VPS13B: variants seen among roughly 807,000 people sequenced by gnomAD.
The protein encoded by VPS13B is intermembrane lipid transfer protein VPS13B.
Under a neutral mutation model 426.4 loss-of-function variants are expected in VPS13B, and 285 were observed. The ratio of observed to expected loss-of-function variants is 0.67; its 90% confidence interval spans 0.61 to 0.74. The LOEUF (loss-of-function observed/expected upper bound fraction) is 0.74, where lower values mean the gene tolerates loss of function less well. Ranked by LOEUF, VPS13B falls within the 30% of genes least tolerant of loss-of-function variation. VPS13B has a pLI of 0.00. For synonymous variants in VPS13B, 1,676 were observed against 1,676.4 expected (o/e 1.00, Z 0.01); for missense variants, 4,537 against 4,782.6 (o/e 0.95, Z 1.51).
At chr8:99,822,824 A>G (rs1814455158) in intron 50 of VPS13B, among the ~76,000 whole-genome samples, 1 of 152,166 alleles carries the variant, frequency 6.6e-6, no homozygotes, top group South Asian at 2.1e-4. Flanking sequence ...GAATATACAA[A>G]TATATATTCC....
intron 17 of VPS13B, among the ~76,000 whole-genome samples, chr8:99,236,639 A>G (rs920582710): frequency 2.0e-5 from 3 of 152,228 alleles, no homozygotes; most frequent in Non-Finnish European, 2.9e-5. Context: ...TAGCTTTTAA[A>G]TGATGTTTCC....
intron 17 of VPS13B, among the ~76,000 whole-genome samples, chr8:99,244,617 G>A (rs886593496): frequency 1.3e-5 from 2 of 152,090 alleles, no homozygotes; most frequent in African/African-American, 2.4e-5. Flanking sequence ...GGAGTTATTC[G>A]GATAAGAATG....
At chr8:99,051,420 T>G (rs984022933) in intron 3 of VPS13B, among the ~76,000 whole-genome samples, 1 of 151,486 alleles carries the variant, frequency 6.6e-6, no homozygotes, top group African/African-American at 2.4e-5. Context: ...CCATGCTGTT[T>G]TGGTTACTGT....
At chr8:99,111,773 C>A (rs1297697666) in intron 6 of VPS13B, among the ~76,000 whole-genome samples, 1 of 152,026 alleles carries the variant, frequency 6.6e-6, no homozygotes, top group African/African-American at 2.4e-5. Context: ...TAATTAAAAT[C>A]TTAGGGAGTT....
At position 99,699,537 on chromosome 8, in the gene VPS13B, T is replaced by G; in HGVS notation, c.6059T>G (p.Leu2020Trp). Residue 2020 changes from leucine to tryptophan, a missense_variant, in exon 36 of 62, where the codon TTG becomes TGG. Physicochemically the swap from Leu to Trp is moderately conservative, Grantham distance 61. Coordinates refer to ENST00000357162, the MANE Select transcript of VPS13B (RefSeq NM_152564.5). ...DFLNGPADVN[L>W]DISKPLKANL... ...TTTACTTCTATAGCGGATGTCAATT[T>G]GGATATATCAAAGCCTTTGAAAGCA... The G allele has an allele frequency of 6.2e-7, 1 of 1,613,722 alleles. No individual in the cohort carries two copies. Among genetic ancestry groups the G allele is most frequent in the Non-Finnish European group, 8.5e-7 (1 of 1,179,998 alleles).
chr8:99,127,453 T>A (rs571634169), intron 8 of VPS13B, among the ~76,000 whole-genome samples: 2 of 152,306 alleles, frequency 1.3e-5, no homozygotes, highest in South Asian at 4.1e-4. Context: ...CCCCACTATT[T>A]TACCTTTCAT....
intron 25 of VPS13B, among the ~76,000 whole-genome samples, chr8:99,493,520 C>T (rs369921900): frequency 1.3e-5 from 2 of 151,944 alleles, no homozygotes; most frequent in African/African-American, 4.8e-5. Flanking sequence ...CGTGGTGGCT[C>T]ACACCTGTCG....
intron 21 of VPS13B, among the ~76,000 whole-genome samples, chr8:99,406,856 A>G (rs1815360531): frequency 6.6e-6 from 1 of 152,222 alleles, no homozygotes; most frequent in African/African-American, 2.4e-5. Context: ...GAATTAGAAA[A>G]GTTTTCATTG....
intron 35 of VPS13B, among the ~76,000 whole-genome samples, chr8:99,669,187 A>T (rs1830605676): frequency 6.6e-6 from 1 of 152,148 alleles, no homozygotes. Context: ...ATGACATCAT[A>T]CAGAAATGTA....
chr8:99,104,778 C>A (rs531725280), intron 5 of VPS13B, among the ~76,000 whole-genome samples: 1 of 152,122 alleles, frequency 6.6e-6, no homozygotes, highest in Admixed American at 6.5e-5. Context: ...CGTGCACTAC[C>A]ATGCCTGGCT....
intron 21 of VPS13B, among the ~76,000 whole-genome samples, chr8:99,426,773 T>C (rs1246851462): frequency 1.9e-5 from 2 of 105,816 alleles, no homozygotes; most frequent in East Asian, 2.6e-4. Flanking sequence ...TGTTTTTTTC[T>C]TGTAAATTTG....
At chr8:99,612,694 C>T (rs1827897638) in intron 33 of VPS13B, among the ~76,000 whole-genome samples, 1 of 151,566 alleles carries the variant, frequency 6.6e-6, no homozygotes, top group African/African-American at 2.4e-5. Context: ...AGTGGGAATA[C>T]AGTTGTTTGG....
At chr8:99,539,966 T>C (rs1364300002) in intron 30 of VPS13B, among the ~76,000 whole-genome samples, 3 of 129,910 alleles carry the variant, frequency 2.3e-5, no homozygotes, top group African/African-American at 8.6e-5. Flanking sequence ...CATTTATATA[T>C]AAAAATGCTT....
chr8:99,793,040 TAAA>T (rs34594024), intron 43 of VPS13B, among the ~76,000 whole-genome samples: 2 of 123,404 alleles, frequency 1.6e-5, no homozygotes, highest in Non-Finnish European at 1.7e-5. Context: ...ATCCTGTCTC[TAAA>T]AAAAAAAAAA....
chr8:99,698,919 T>C (rs1293770108), intron 35 of VPS13B, among the ~76,000 whole-genome samples: 2 of 152,162 alleles, frequency 1.3e-5, no homozygotes, highest in Non-Finnish European at 2.9e-5. Context: ...GAAATCTCAG[T>C]CTACCAATGT....
At chr8:99,087,788 T>C (rs538238512) in intron 3 of VPS13B, among the ~76,000 whole-genome samples, 1 of 152,244 alleles carries the variant, frequency 6.6e-6, no homozygotes, top group South Asian at 2.1e-4. Context: ...TAAGTCTTTA[T>C]ATAACTGATC....
At chr8:99,786,025 T>C (rs995683860) in intron 43 of VPS13B, among the ~76,000 whole-genome samples, 1 of 152,170 alleles carries the variant, frequency 6.6e-6, no homozygotes, top group African/African-American at 2.4e-5. Flanking sequence ...TGAAGATGCA[T>C]AGCTTGCATA....
chr8:99,400,702 C>T (rs1009340758), intron 21 of VPS13B, among the ~76,000 whole-genome samples: 9 of 152,124 alleles, frequency 5.9e-5, no homozygotes, highest in African/African-American at 9.7e-5. Context: ...GGCGGAGTCT[C>T]GCTCTGTCAT....
intron 30 of VPS13B, among the ~76,000 whole-genome samples, chr8:99,554,666 G>A (rs1824457671): frequency 1.3e-5 from 2 of 152,084 alleles, no homozygotes; most frequent in Admixed American, 6.6e-5. Flanking sequence ...TTTGGGAAAG[G>A]GGAGTTTGGA....
Sources: allele counts gnomAD v4.1 joint callset (sites outside exome capture counted in the v4.1 genomes callset), GRCh38; gene constraint gnomAD v4.1.1; transcripts MANE v1.5; gene names NCBI Gene and HGNC (gene_info 2026-07-23, HGNC 2026-07-21).